Variants in F13B observed in about 807,000 individuals in gnomAD.
The protein encoded by F13B is TGase.
Under a neutral mutation model 79.8 loss-of-function variants are expected in F13B, and 58 were observed. The observed-to-expected ratio is 0.73, with a 90% CI of 0.59 to 0.90. The LOEUF is 0.90. F13B is among the 40% of genes least tolerant of loss of function. The probability of loss-of-function intolerance (pLI) is 0.00; values close to 1 mark genes in which losing one functional copy is unlikely to be tolerated. For synonymous variants in F13B, 283 were observed against 260.3 expected, an observed-to-expected ratio of 1.09 and a Z score of -0.84; for missense variants, 773 against 777.0, an observed-to-expected ratio of 0.99 and a Z score of 0.06.
At chr1:197,048,450 A>G (rs1655319060) in intron 10 of F13B, among the ~76,000 whole-genome samples, 1 of 152,050 alleles carries the variant, frequency 6.6e-6, no homozygotes, top group Non-Finnish European at 1.5e-5. Context: ...TGTGTACTAC[A>G]TGAATGCTTG....
At chr1:197,064,422 C>T (rs1039118262) in intron 1 of F13B, among the ~76,000 whole-genome samples, 1 of 152,136 alleles carries the variant, frequency 6.6e-6, no homozygotes, top group Non-Finnish European at 1.5e-5. Context: ...ACATTTTAGA[C>T]TATGCATACA....
At chr1:197,049,241 A>T (rs6669388) in intron 10 of F13B, among the ~76,000 whole-genome samples, 2,300 of 152,154 alleles carry the variant, frequency 0.015, 51 homozygotes, top group African/African-American at 0.049. Flanking sequence ...ATCCAAGAAC[A>T]TAGAAGAAAG....
intron 10 of F13B, among the ~76,000 whole-genome samples, chr1:197,045,353 C>G (rs1001822994): frequency 2.0e-5 from 3 of 152,118 alleles, no homozygotes; most frequent in Non-Finnish European, 4.4e-5. Flanking sequence ...CACAGAAATA[C>G]AAACTACCAT....
chr1:197,052,295 G>T (rs529570863), intron 9 of F13B, among the ~76,000 whole-genome samples: 2 of 152,222 alleles, frequency 1.3e-5, no homozygotes, highest in South Asian at 2.1e-4. Flanking sequence ...AGGCTGGGGA[G>T]AAATAGGAAT....
At chr1:197,048,836 T>C (rs6669176) in intron 10 of F13B, among the ~76,000 whole-genome samples, 2,306 of 111,198 alleles carry the variant, frequency 0.021, 52 homozygotes, top group African/African-American at 0.056. Flanking sequence ...TTTTCAAGTA[T>C]GAAAAGAACG....
At chr1:197,053,693 C>T (rs920150067) in intron 8 of F13B, among the ~76,000 whole-genome samples, 4 of 151,958 alleles carry the variant, frequency 2.6e-5, no homozygotes, top group African/African-American at 9.7e-5. Flanking sequence ...AGTACTGGAG[C>T]AGGAGGGGGT....
chr1:197,062,534 T>C (rs1759006), intron 2 of F13B, among the ~76,000 whole-genome samples: 118,213 of 152,050 alleles, frequency 0.78, 49,523 homozygotes, highest in East Asian at 1. Context: ...TTCTGGCATC[T>C]TATGCTTAAT....
chr1:197,046,021 A>T (rs1655216446), intron 10 of F13B, among the ~76,000 whole-genome samples: 2 of 152,190 alleles, frequency 1.3e-5, no homozygotes, highest in South Asian at 4.1e-4. Context: ...ACCTCAAAAT[A>T]ATATGAGCTG....
At chr1:197,053,793 T>G (rs1655536489) in intron 8 of F13B, among the ~76,000 whole-genome samples, 1 of 152,010 alleles carries the variant, frequency 6.6e-6, no homozygotes, top group Admixed American at 6.6e-5. Context: ...TGAAGGGGAC[T>G]TTGCACAAAA....
rs943742008 is a variant in F13B at position 197,039,075 on chromosome 1, T to C, written c.*303A>G. 1.1e-5 allele frequency: 3 copies of C among 265,236 alleles called. No homozygotes were observed. Among genetic ancestry groups the C allele is most frequent in the African/African-American group, 6.7e-5 (3 of 44,516 alleles). The allele number at this position is 265,236 out of a possible 1,614,324, so 16.4% of individuals were successfully genotyped here. ...GTGAAATTTTTGCACATACAGTATA[T>C]TGAAAACAACTATATAGTCTAGTCA... On this transcript the variant is annotated 3_prime_UTR_variant, in exon 12 of 12. Coordinates refer to ENST00000367412, the MANE Select transcript of F13B (RefSeq NM_001994.3).
At chr1:197,055,986 T>C (rs1655627784) in intron 7 of F13B, 89 bp from the exon 8 acceptor site, 1 of 1,137,804 alleles carries the variant, frequency 8.8e-7, no homozygotes, top group African/African-American at 1.6e-5. Flanking sequence ...ATTTGTATTA[T>C]ATAATTTAGG....
chr1:197,049,610 T>A (rs1471414416), intron 10 of F13B, among the ~76,000 whole-genome samples: 2 of 152,102 alleles, frequency 1.3e-5, no homozygotes, highest in Non-Finnish European at 2.9e-5. Flanking sequence ...AAGTCCCAGA[T>A]GGCTTCTCTG....
At chr1:197,061,162 A>C (rs1655848275) in intron 3 of F13B, 87 bp from the exon 4 acceptor site, 1 of 731,922 alleles carries the variant, frequency 1.4e-6, no homozygotes. Flanking sequence ...ACAAATCTTA[A>C]GAATACATGG....
At position 197,040,572 on chromosome 1, in the gene F13B, C is replaced by T. The variant is rs142886126; in HGVS notation, c.1902G>A (p.Met634Ile). 764 of 1,612,874 alleles carry T rather than the reference C, an allele frequency of 4.7e-4. 6 individuals carry two copies. The African/African-American group carries it at 9.1e-3, about 19-fold the overall frequency. The part of the protein sequence containing the change: ...ELYITGSILR[M>I]QCDRGQLKYP... ...ATTTTAACTGCCCTCTGTCACATTG[C>T]ATTCTAAGTATAGATCCAGTAATAT... Residue 634 changes from methionine to isoleucine, a missense_variant, in exon 11 of 12, where the codon ATG becomes ATA. By Grantham distance (10) the Met-to-Ile change is conservative. Transcript: ENST00000367412.
intron 10 of F13B, among the ~76,000 whole-genome samples, chr1:197,043,248 C>T (rs1571550139): frequency 2.6e-5 from 4 of 152,108 alleles, no homozygotes; most frequent in African/African-American, 9.7e-5. Context: ...TGGAGAGTTA[C>T]AGTCTGTGAG....
intron 3 of F13B, 83 bp from the exon 4 acceptor site, chr1:197,061,158 C>A (rs1655848032): frequency 5.4e-6 from 4 of 743,822 alleles, no homozygotes; most frequent in African/African-American, 3.6e-5. Context: ...TTTTACAAAT[C>A]TTAAGAATAC....
At chr1:197,044,225 C>T (rs1011797772) in intron 10 of F13B, among the ~76,000 whole-genome samples, 56 of 152,040 alleles carry the variant, frequency 3.7e-4, no homozygotes, top group African/African-American at 1.3e-3. Flanking sequence ...AGATACCCTC[C>T]CTTGCCTGGC....
chr1:197,065,859 C>T (rs928363976), intron 1 of F13B, among the ~76,000 whole-genome samples: 1 of 152,042 alleles, frequency 6.6e-6, no homozygotes, highest in Non-Finnish European at 1.5e-5. Flanking sequence ...AGAGTGAGAC[C>T]TTTCATAGGC....
intron 4 of F13B, 123 bp downstream of exon 4, chr1:197,060,776 T>G: frequency 1.0e-6 from 1 of 955,028 alleles, no homozygotes; most frequent in Non-Finnish European, 1.7e-6. Context: ...ATCAACATAA[T>G]TAAAAATAAA....
Sources: gnomAD v4.1 joint callset for allele counts (sites outside exome capture counted in the v4.1 genomes callset) on GRCh38, gnomAD v4.1.1 for gene constraint, MANE v1.5 for transcripts, NCBI Gene and HGNC (gene_info 2026-07-23, HGNC 2026-07-21) for gene names.